ARSK: variants seen among roughly 807,000 people sequenced by gnomAD.
ARSK encodes arylsulfatase family member K.
Under a neutral mutation model 53.2 loss-of-function variants are expected in ARSK, and 37 were observed. The ratio of observed to expected loss-of-function variants is 0.70; its 90% CI spans 0.54 to 0.92. ARSK has a LOEUF of 0.92. ARSK is among the 40% of genes least tolerant of loss of function. ARSK has a pLI of 0.00. For synonymous variants in ARSK, 208 were observed against 223.2 expected (o/e 0.93, Z 0.61); for missense variants, 613 against 643.0 (o/e 0.95, Z 0.51).
intron 3 of ARSK, among the ~76,000 whole-genome samples, chr5:95,578,574 TG>T (rs1748968297): frequency 6.6e-6 from 1 of 152,208 alleles, no homozygotes; most frequent in South Asian, 2.1e-4. Context: ...TCCAATTTTT[TG>T]ATTGTGAGAC....
intron 3 of ARSK, among the ~76,000 whole-genome samples, chr5:95,574,091 A>T (rs2112424197): frequency 6.6e-6 from 1 of 151,990 alleles, no homozygotes; most frequent in Middle Eastern, 3.4e-3. Context: ...AAGTGAGAAC[A>T]TGTGAAGTTT....
In ARSK at chr5:95,555,523, C is replaced by T. The variant is rs1748479236; in HGVS notation, c.126+119C>T. The T allele has an allele frequency of 1.8e-6, 2 of 1,088,262 alleles. No individual in the cohort carries two copies. The highest frequency in any genetic ancestry group is 1.7e-5 in the South Asian group (1 of 57,836). The allele number at this position is 1,088,262 out of a possible 1,614,324, so 67.4% of individuals were successfully genotyped here. On this transcript the variant is annotated intron_variant, in intron 1 of 7. Coordinates refer to ENST00000380009, the MANE Select transcript of ARSK (RefSeq NM_198150.3). The surrounding 1 kb of genome is among the most constrained non-coding windows in gnomAD (Gnocchi z 4.0). Reference sequence around the variant, plus strand: ...AGACATTTTCAAACACCTTTTACCCCGATGCAAAGAAAGAAATACATTTTA... The same window carrying T: ...AGACATTTTCAAACACCTTTTACCCTGATGCAAAGAAAGAAATACATTTTA...
intron 6 of ARSK, among the ~76,000 whole-genome samples, chr5:95,598,731 T>C (rs1480262025): frequency 1.3e-5 from 2 of 152,210 alleles, no homozygotes; most frequent in Non-Finnish European, 1.5e-5. Context: ...TGATCTCTTC[T>C]CTTCCCCAAC....
intron 3 of ARSK, among the ~76,000 whole-genome samples, chr5:95,572,261 A>G (rs1748845136): frequency 6.6e-6 from 1 of 152,180 alleles, no homozygotes; most frequent in African/African-American, 2.4e-5. Context: ...CCATTTACTG[A>G]TGATAAGACC....
chr5:95,582,919 T>C lies in ARSK; in HGVS notation c.420T>C (p.Asn140=). The change falls in exon 4 of 8, where the codon AAT becomes AAC. Residue 140 remains asparagine, a synonymous_variant. Transcript: ENST00000380009. ...DYTSGHHSIS[N]RVEAWTRDVA... is the part of the protein sequence containing the mutation. ...ATGTGTCTTTTTGCCCCCTCAGTAA[T>C]CGTGTGGAAGCGTGGACAAGAGATG... 1 of 1,597,080 alleles carries C rather than the reference T, an allele frequency of 6.3e-7. No homozygotes were observed. The highest frequency in any genetic ancestry group is 1.3e-5 in the African/African-American group (1 of 74,744).
At chr5:95,573,244 TAAC>T (rs1748865903) in intron 3 of ARSK, among the ~76,000 whole-genome samples, 1 of 152,142 alleles carries the variant, frequency 6.6e-6, no homozygotes. Flanking sequence ...TTTTTAGAAT[TAAC>T]AAAAAATGTA....
intron 6 of ARSK, among the ~76,000 whole-genome samples, chr5:95,600,041 G>A (rs1231788313): frequency 6.6e-6 from 1 of 152,180 alleles, no homozygotes; most frequent in Non-Finnish European, 1.5e-5. Flanking sequence ...TAGGAAGAGG[G>A]AAGTTTAAGG....
chr5:95,583,001 A>T lies in ARSK; in HGVS notation c.502A>T (p.Thr168Ser). The T allele has an allele frequency of 6.2e-7, 1 of 1,613,912 alleles. No homozygotes were observed. The highest frequency in any genetic ancestry group is 8.5e-7 in the Non-Finnish European group (1 of 1,179,806). ...CATGGTTAATCTTATCCGTAACAGG[A>T]CTAAAGTCAGAGTGATGGAAAGGGA... ...RPMVNLIRNRTKVRVMERDWQ... is the reference protein window; with the variant it reads ...RPMVNLIRNRSKVRVMERDWQ... Residue 168 changes from threonine to serine, a missense_variant, in exon 4 of 8, where the codon ACT (threonine) becomes TCT (serine). Transcript: ENST00000380009.
At chr5:95,572,681 G>A (rs902799586) in intron 3 of ARSK, among the ~76,000 whole-genome samples, 1 of 152,182 alleles carries the variant, frequency 6.6e-6, no homozygotes, top group East Asian at 1.9e-4. Context: ...GGGAGGCTGA[G>A]GCAGGAGAAT....
At chr5:95,578,397 A>G (rs1267605427) in intron 3 of ARSK, among the ~76,000 whole-genome samples, 5 of 151,664 alleles carry the variant, frequency 3.3e-5, no homozygotes, top group Non-Finnish European at 7.4e-5. Context: ...GGCTCAAACA[A>G]TCCTCCTACC....
chr5:95,556,145 G>T, intron 1 of ARSK: 1 of 699,642 alleles, frequency 1.4e-6, no homozygotes, highest in Non-Finnish European at 2.6e-6. Context: ...ACAGATGTTG[G>T]TGTTAAGCAT....
intron 4 of ARSK, among the ~76,000 whole-genome samples, chr5:95,586,088 A>G (rs1401081726): frequency 1.3e-5 from 2 of 152,186 alleles, no homozygotes; most frequent in Non-Finnish European, 2.9e-5. Context: ...AACACTGTAC[A>G]TAAGCATTTA....
intron 6 of ARSK, chr5:95,600,566 T>C (rs576298770): frequency 9.9e-5 from 55 of 555,372 alleles, no homozygotes; most frequent in South Asian, 8.1e-4. Context: ...TAAAGTATCT[T>C]ATTTAAACCT....
chr5:95,591,541 C>T lies in ARSK; in HGVS notation c.1012C>T (p.Leu338Phe), dbSNP rs773638047. 2 of 1,614,152 alleles carry T rather than the reference C, an allele frequency of 1.2e-6. No individual in the cohort carries two copies. Among genetic ancestry groups the T allele is most frequent in the East Asian group, 4.5e-5 (2 of 44,880 alleles). ...SMYEASAHVP[L>F]LMMGPGIKAG... Reference sequence around the variant, plus strand: ...GTACGAGGCTAGTGCACATGTTCCGCTTTTGATGATGGGACCAGGAATTAA... The same window carrying T: ...GTACGAGGCTAGTGCACATGTTCCGTTTTTGATGATGGGACCAGGAATTAA... Residue 338 changes from leucine to phenylalanine, a missense_variant, in exon 6 of 8, where the codon CTT (leucine) becomes TTT (phenylalanine). Leu to Phe is a conservative substitution (Grantham distance 22). Transcript: ENST00000380009.
intron 4 of ARSK, among the ~76,000 whole-genome samples, chr5:95,585,185 G>A (rs142358048): frequency 8.8e-4 from 134 of 152,180 alleles, no homozygotes; most frequent in Non-Finnish European, 1.6e-3. Flanking sequence ...AGATGTTGGC[G>A]GGGATGTGGT....
intron 1 of ARSK, among the ~76,000 whole-genome samples, chr5:95,560,502 G>A (rs1240608051): frequency 1.4e-4 from 22 of 151,964 alleles, no homozygotes; most frequent in Admixed American, 1.4e-3. Flanking sequence ...GTGACATACA[G>A]ATCAATGGAA....
At position 95,555,268 on chromosome 5, in the gene ARSK, C is replaced by A; in HGVS notation, c.-11C>A. On this transcript the variant is annotated 5_prime_UTR_variant, in exon 1 of 8. Transcript: ENST00000380009. This position sits in a 1 kb window ranked among gnomAD's most constrained non-coding sequence, Gnocchi z 4.0. The stretch of plus-strand genomic sequence containing the variant: ...TGGCCCGGCGGCAGGCTCTCAGAAC[C>A]GCTACCGGCGATGCTACTGCTGTGG... The A allele has an allele frequency of 6.3e-7, 1 of 1,590,168 alleles. No individual in the cohort carries two copies. The highest frequency in any genetic ancestry group is 1.8e-4 in the Middle Eastern group (1 of 5,406).
intron 1 of ARSK, chr5:95,556,655 G>C (rs1748521099): frequency 6.2e-6 from 1 of 161,796 alleles, no homozygotes. Context: ...AGATATATAG[G>C]TTTGTTATTT....
chr5:95,572,225 T>C (rs1748844350), intron 3 of ARSK, among the ~76,000 whole-genome samples: 1 of 152,188 alleles, frequency 6.6e-6, no homozygotes, highest in Non-Finnish European at 1.5e-5. Flanking sequence ...GTTAAAGAGA[T>C]ACTGGTAGTA....
Sources: gnomAD v4.1 joint callset for allele counts (sites outside exome capture counted in the v4.1 genomes callset) on GRCh38, gnomAD v4.1.1 for gene constraint, Gnocchi (gnomAD v3.1) non-coding constraint, MANE v1.5 for transcripts, NCBI Gene and HGNC (gene_info 2026-07-23, HGNC 2026-07-21) for gene names.